The following MYH6 variants were observed in gnomAD, a reference collection of about 807,000 sequenced individuals.
MYH6 encodes the protein myosin-6.
A neutral mutation model predicts 223.2 loss-of-function variants in MYH6; 126 were observed. The ratio of observed to expected loss-of-function variants is 0.56; its 90% confidence interval spans 0.49 to 0.65. MYH6 has a LOEUF of 0.65. MYH6 is among the 30% of genes least tolerant of loss of function. The pLI, the probability that MYH6 is intolerant of heterozygous loss-of-function variation, is 0.00. For missense variants in MYH6, 2,040 were observed against 2,536.4 expected, an observed-to-expected ratio of 0.80 and a Z score of 4.20; for synonymous variants, 978 against 1,010.2, an observed-to-expected ratio of 0.97 and a Z score of 0.61.
intron 16 of MYH6, 43 bp from the exon 17 acceptor site, chr14:23,397,300 A>T (rs1891428368): frequency 6.4e-7 from 1 of 1,569,256 alleles, no homozygotes; most frequent in Middle Eastern, 1.7e-4. Flanking sequence ...CACAAGGACC[A>T]TCCCTTAGGC....
intron 28 of MYH6, 102 bp from the exon 29 acceptor site, chr14:23,389,157 A>C: frequency 7.2e-7 from 1 of 1,383,556 alleles, no homozygotes; most frequent in Non-Finnish European, 9.7e-7. Flanking sequence ...AGCCTTATTC[A>C]CCATGTGGGC....
intron 25 of MYH6, among the ~76,000 whole-genome samples, chr14:23,390,696 A>C (rs1891213857): frequency 6.6e-6 from 1 of 152,068 alleles, no homozygotes; most frequent in African/African-American, 2.4e-5. Context: ...ATCAATAGGA[A>C]TTTGGCTGAA....
At chr14:23,398,054 G>A (rs765924608) in intron 15 of MYH6, among the ~76,000 whole-genome samples, 1 of 143,968 alleles carries the variant, frequency 6.9e-6, no homozygotes, top group East Asian at 2.2e-4. Context: ...ATCTCACTCT[G>A]TCACCCATGC....
Position 23,387,544 on chromosome 14 carries a change from G to T in MYH6, c.4635C>A (p.Ala1545=). ...LEVEKLELQS[A]LEEAEASLEH... ...CGGCCCTCACCTCTGCCTCCTCCAG[G>T]GCTGACTGCAGCTCCAGCTTCTCCA... The change falls in exon 32 of 39, where the codon GCC becomes GCA. Residue 1545 remains alanine (A), a synonymous_variant. Transcript: ENST00000405093. The T allele has an allele frequency of 6.2e-7, 1 of 1,613,882 alleles. No homozygotes were observed. The highest frequency in any genetic ancestry group is 8.5e-7 in the Non-Finnish European group (1 of 1,180,028).
In MYH6 at chr14:23,407,300, G is replaced by T; in HGVS notation, c.-13-64C>A. On this transcript the variant is annotated intron_variant, in intron 2 of 38. Coordinates refer to ENST00000405093, the MANE Select transcript of MYH6 (RefSeq NM_002471.4). The surrounding 1 kb of genome is among the most constrained non-coding windows in gnomAD (Gnocchi z 5.6). Reference sequence around the variant, plus strand: ...AGCCCAGGCTCCAGCGAGTGGCTTTGTCCTCTGCAGCCCCCCTCCCTACCC... The same window carrying T: ...AGCCCAGGCTCCAGCGAGTGGCTTTTTCCTCTGCAGCCCCCCTCCCTACCC... The T allele has an allele frequency of 6.3e-7, 1 of 1,575,148 alleles. No homozygotes were observed. The highest frequency in any genetic ancestry group is 1.3e-5 in the African/African-American group (1 of 74,240).
intron 25 of MYH6, among the ~76,000 whole-genome samples, chr14:23,390,827 T>C (rs989565463): frequency 6.6e-6 from 1 of 152,230 alleles, no homozygotes; most frequent in Non-Finnish European, 1.5e-5. Flanking sequence ...CCAGATTCAC[T>C]AGGCTCTGTT....
In MYH6 at chr14:23,405,768, C is replaced by T. The variant is rs766095991; in HGVS notation, c.204G>A (p.Thr68=). 2.4e-5 allele frequency: 38 copies of T among 1,614,000 alleles called. No individual in the cohort carries two copies. The East Asian group carries it at 7.1e-4, about 30-fold the overall frequency. ...ACACCTGGTCCTCCTTCACAGTCAC[C>T]GTCTGGAGGGGGCGCATAAGCAGGA... ...KVIAETENGK[T]VTVKEDQVLQ... The change falls in exon 4 of 39, where the codon ACG becomes ACA. Residue 68 remains threonine (T), a splice_region_variant and synonymous_variant. Coordinates refer to ENST00000405093, the MANE Select transcript of MYH6 (RefSeq NM_002471.4). This position sits in a 1 kb window ranked among gnomAD's most constrained non-coding sequence, Gnocchi z 4.7.
chr14:23,395,771 A>G (rs9323314), intron 20 of MYH6, among the ~76,000 whole-genome samples: 20,818 of 151,524 alleles, frequency 0.14, 1,836 homozygotes, highest in African/African-American at 0.25. Flanking sequence ...CTCGTGATCC[A>G]CCCGCCTCGG....
intron 15 of MYH6, among the ~76,000 whole-genome samples, chr14:23,397,955 C>CTTCTTCTTT (rs1566512469): frequency 2.4e-4 from 23 of 96,888 alleles, no homozygotes; most frequent in South Asian, 1.2e-3. Context: ...TCTTCTTCTT[C>CTTCTTCTTT]TTCTTCTTCT....
Position 23,398,852 on chromosome 14 carries a change from G to A in MYH6, c.1767C>T (p.Tyr589=). The A allele has an allele frequency of 6.2e-7, 1 of 1,614,202 alleles. No individual in the cohort carries two copies. Among genetic ancestry groups the A allele is most frequent in the Admixed American group, 1.7e-5 (1 of 60,028 alleles). ...SLIHYAGTVD[Y]NILGWLEKNK... ...TTTTTTCCAGCCAGCCCAGGATGTT[G>A]TAGTCCACAGTGCCGGCGTAGTGGA... Residue 589 remains tyrosine, a synonymous_variant, in exon 15 of 39, where the codon TAC becomes TAT. Coordinates refer to ENST00000405093, the MANE Select transcript of MYH6 (RefSeq NM_002471.4).
At chr14:23,389,920 C>T in intron 26 of MYH6, 137 bp downstream of exon 26, 1 of 1,554,650 alleles carries the variant, frequency 6.4e-7, no homozygotes, top group Non-Finnish European at 8.8e-7. Flanking sequence ...CAGAGAGGGG[C>T]AGGGGAGACA....
Position 23,387,741 on chromosome 14 carries a change from T to C in MYH6, c.4525+17A>G, listed in dbSNP as rs751877931. ...CTCCCACCAACTCATCTCTGGCCTC[T>C]TGGACCCCCAGCACACCCTGAAGGT... On this transcript the variant is annotated intron_variant, in intron 31 of 38. Coordinates refer to ENST00000405093, the MANE Select transcript of MYH6 (RefSeq NM_002471.4). 6.2e-7 allele frequency: 1 copy of C among 1,614,096 alleles called. No homozygotes were observed. The highest frequency in any genetic ancestry group is 1.7e-5 in the Admixed American group (1 of 60,024).
intron 20 of MYH6, 134 bp downstream of exon 20, chr14:23,396,148 TGA>T: frequency 3.0e-6 from 3 of 999,940 alleles, no homozygotes; most frequent in Non-Finnish European, 4.5e-6. Flanking sequence ...GAATTTGCAA[TGA>T]GATTCGAAGT....
Position 23,404,718 on chromosome 14 carries a change from G to C in MYH6, c.635C>G (p.Ala212Gly), listed in dbSNP as rs780456381. 6.2e-7 allele frequency: 1 copy of C among 1,613,800 alleles called. No individual in the cohort carries two copies. Among genetic ancestry groups the C allele is most frequent in the African/African-American group, 1.3e-5 (1 of 74,872 alleles). Residue 212 changes from alanine to glycine, a missense_variant, in exon 7 of 39, where the codon GCG (alanine) becomes GGG (glycine). Physicochemically the swap from Ala to Gly is moderately conservative, Grantham distance 60. This residue lies in a region of MYH6 where 649 missense variants were observed against 877.3 expected (regional missense o/e 0.74). Coordinates refer to ENST00000405093, the MANE Select transcript of MYH6 (RefSeq NM_002471.4). ...CTGTGTCCCCCATGGCACCTTGTTC[G>C]CATTGGCATTGTCCTTCTTGCCACG... Reference protein sequence around the residue: ...GDRGKKDNANANKGTLEDQII... With the variant: ...GDRGKKDNANGNKGTLEDQII...
chr14:23,393,602 G>A (rs1292319503), intron 22 of MYH6, 64 bp downstream of exon 22: 1 of 1,613,990 alleles, frequency 6.2e-7, no homozygotes, highest in Non-Finnish European at 8.5e-7. Flanking sequence ...CAAGGACCAG[G>A]ACAACACTCT....
Position 23,405,006 on chromosome 14 carries a change from C to A in MYH6, c.530+94G>T, listed in dbSNP as rs1055467287. 1.9e-6 allele frequency: 3 copies of A among 1,591,368 alleles called. No homozygotes were observed. Among genetic ancestry groups the A allele is most frequent in the South Asian group, 2.2e-5 (2 of 90,120 alleles). Reference sequence around the variant, plus strand: ...CTCAGTGCCCCATGCTCCCTGCAATCCCAGCCTTAAACCTCTCCTCCCAAC... The same window carrying A: ...CTCAGTGCCCCATGCTCCCTGCAATACCAGCCTTAAACCTCTCCTCCCAAC... On this transcript the variant is annotated intron_variant, in intron 6 of 38. Transcript: ENST00000405093. This position sits in a 1 kb window ranked among gnomAD's most constrained non-coding sequence, Gnocchi z 4.7.
Position 23,388,359 on chromosome 14 carries a change from G to GGT in MYH6, c.4176-23_4176-22dup, listed in dbSNP as rs151143919. 3.2e-3 allele frequency: 5,152 copies of GGT among 1,611,522 alleles called. 145 individuals carry two copies. The African/African-American group carries it at 0.06, about 19-fold the overall frequency. On this transcript the variant is annotated intron_variant, in intron 29 of 38. Transcript: ENST00000405093. The stretch of plus-strand genomic sequence containing the variant: ...TCTTTCTGCCCAGGTGAGGGTGGAG[G>GGT]GTGTGTGTGTGACTCTACTGGGCAA...
Position 23,400,670 on chromosome 14 carries a change from C to T in MYH6, c.1410+39G>A, listed in dbSNP as rs192590799. 21 of 1,614,066 alleles carry T rather than the reference C, an allele frequency of 1.3e-5. No homozygotes were observed. In the African/African-American group the frequency reaches 1.7e-4, roughly 13 times the overall value. On this transcript the variant is annotated intron_variant, in intron 13 of 38. Transcript: ENST00000405093. ...AATGGCTGTTGAATGTAGGAGCAAG[C>T]GAGTGATTGTTCTCCCACTCCCAGG...
At position 23,386,354 on chromosome 14, in the gene MYH6, C is replaced by T. The variant is rs777323881; in HGVS notation, c.4920G>A (p.Glu1640=). ...GGAGGCTCTTGACTTGCTTCTGGGCCTCGGCAGCCATGCGGTTGGCGTGGC... is the reference window on the plus strand; with the variant it reads ...GGAGGCTCTTGACTTGCTTCTGGGCTTCGGCAGCCATGCGGTTGGCGTGGC... The part of the protein sequence containing the change: ...QLSHANRMAA[E]AQKQVKSLQS... The change falls in exon 33 of 39, where the codon GAG becomes GAA. Residue 1640 remains glutamate (E), a synonymous_variant. Coordinates refer to ENST00000405093, the MANE Select transcript of MYH6 (RefSeq NM_002471.4). 3.1e-6 allele frequency: 5 copies of T among 1,614,038 alleles called. No individual in the cohort carries two copies. In the East Asian group the frequency reaches 6.7e-5, roughly 22 times the overall value.
Sources: allele counts gnomAD v4.1 joint callset (sites outside exome capture counted in the v4.1 genomes callset), GRCh38; gene constraint gnomAD v4.1.1; regional missense constraint gnomAD v4.1.1; non-coding constraint Gnocchi (gnomAD v3.1); transcripts MANE v1.5; gene names NCBI Gene and HGNC (gene_info 2026-07-23, HGNC 2026-07-21).